DGKG: variants seen among roughly 807,000 people sequenced by gnomAD.
DGKG encodes the protein diacylglycerol kinase gamma.
DGKG carries 78 observed loss-of-function variants against 105.3 expected under a neutral mutation model. That is an observed-to-expected ratio of 0.74 (90% CI 0.62 to 0.89). The LOEUF is 0.89. DGKG is among the 40% of genes least tolerant of loss of function. The probability of loss-of-function intolerance (pLI) is 0.00; values close to 1 mark genes in which losing one functional copy is unlikely to be tolerated. For missense variants in DGKG, 958 were observed against 1,020.1 expected (o/e 0.94, Z 0.83); for synonymous variants, 346 against 367.1 (o/e 0.94, Z 0.66).
rs78227895 is a variant in DGKG at position 186,252,510 on chromosome 3, G to T, written c.1600+583C>A. 7.6e-3 allele frequency among the ~76,000 whole-genome samples: 1,160 copies of T among 152,336 alleles called. 14 individuals carry two copies. Among genetic ancestry groups the T allele is most frequent in the African/African-American group, 0.025 (1,041 of 41,568 alleles). ...CATGTCCAACGCCATGGGGGCTACT[G>T]CAGTTTGCAAAGTTCTCTGCCCCTT... On this transcript the variant is annotated intron_variant, in intron 18 of 24. Transcript: ENST00000265022.
At chr3:186,194,566 G>C (rs1439179584) in intron 21 of DGKG, among the ~76,000 whole-genome samples, 3 of 152,096 alleles carry the variant, frequency 2.0e-5, no homozygotes, top group African/African-American at 7.2e-5. Context: ...TTCTAACCTC[G>C]ATTCACCGTG....
intron 1 of DGKG, among the ~76,000 whole-genome samples, chr3:186,355,649 A>AG (rs1399588318): frequency 6.6e-6 from 1 of 151,496 alleles, no homozygotes; most frequent in Admixed American, 6.6e-5. Context: ...CACCAGCACC[A>AG]CCACCAGCAT....
intron 3 of DGKG, among the ~76,000 whole-genome samples, chr3:186,304,250 G>A (rs189961392): frequency 2.6e-5 from 4 of 152,358 alleles, no homozygotes; most frequent in Admixed American, 1.3e-4. Context: ...GGAGCTGGGG[G>A]TGGGGGGTGT....
intron 2 of DGKG, among the ~76,000 whole-genome samples, chr3:186,319,604 T>A (rs1353315423): frequency 6.6e-6 from 1 of 152,168 alleles, no homozygotes; most frequent in South Asian, 2.1e-4. Context: ...AAGGGCCTCC[T>A]GGAAAGTCAG....
chr3:186,207,942 C>A (rs779755851), intron 21 of DGKG, among the ~76,000 whole-genome samples: 1 of 152,242 alleles, frequency 6.6e-6, no homozygotes, highest in Admixed American at 6.5e-5. Context: ...CCACAAGCTT[C>A]GTTTCAGAGA....
intron 20 of DGKG, among the ~76,000 whole-genome samples, chr3:186,237,537 A>T (rs536165394): frequency 2.0e-5 from 3 of 152,324 alleles, no homozygotes; most frequent in East Asian, 1.9e-4. Flanking sequence ...AAGGCAGATG[A>T]TGCCAATGAC....
intron 17 of DGKG, among the ~76,000 whole-genome samples, chr3:186,256,977 A>G (rs1310886008): frequency 1.3e-5 from 2 of 152,196 alleles, no homozygotes; most frequent in Non-Finnish European, 2.9e-5. Context: ...TTTCCTCTAC[A>G]TGGTGTGCTC....
At chr3:186,336,321 A>T (rs1560161549) in intron 1 of DGKG, among the ~76,000 whole-genome samples, 3 of 152,168 alleles carry the variant, frequency 2.0e-5, no homozygotes, top group Admixed American at 1.3e-4. Flanking sequence ...ATCCCAGGAA[A>T]TTTCATTGGC....
intron 1 of DGKG, among the ~76,000 whole-genome samples, chr3:186,359,163 C>T (rs1048994131): frequency 6.6e-6 from 1 of 151,990 alleles, no homozygotes; most frequent in Admixed American, 6.6e-5. Context: ...GAACTATGGC[C>T]GAGTTGTTTC....
chr3:186,308,654 C>A (rs1417600675), intron 2 of DGKG, among the ~76,000 whole-genome samples: 1 of 152,076 alleles, frequency 6.6e-6, no homozygotes, highest in African/African-American at 2.4e-5. Context: ...GCTTCTGTTG[C>A]CTAAAAATGG....
intron 22 of DGKG, among the ~76,000 whole-genome samples, chr3:186,187,261 A>G (rs1429715703): frequency 6.6e-6 from 1 of 152,232 alleles, no homozygotes; most frequent in East Asian, 1.9e-4. Flanking sequence ...TCCAGGGGAC[A>G]GAGGATGGTG....
At chr3:186,280,516 G>T (rs1722780789) in intron 8 of DGKG, among the ~76,000 whole-genome samples, 154 bp downstream of exon 8, 1 of 152,152 alleles carries the variant, frequency 6.6e-6, no homozygotes, top group South Asian at 2.1e-4. Context: ...CTATCAGAGA[G>T]GTAGGAGGTA....
chr3:186,180,242 A>AG (rs890457588), intron 22 of DGKG, among the ~76,000 whole-genome samples: 9 of 152,126 alleles, frequency 5.9e-5, no homozygotes, highest in African/African-American at 1.9e-4. Context: ...AGGAGGGGGA[A>AG]GGATGTGTAA....
At position 186,320,692 on chromosome 3, in the gene DGKG, G is replaced by C. The variant is rs1725035134; in HGVS notation, c.-233C>G. 8.0e-6 allele frequency: 4 copies of C among 501,344 alleles called. No individual in the cohort carries two copies. The highest frequency in any genetic ancestry group is 1.3e-5 in the Non-Finnish European group (4 of 304,258). The allele number at this position is 501,344 out of a possible 1,614,324, so 31.1% of individuals were successfully genotyped here. ...CCTGTCTGTATTCAAGGTAAATTCA[G>C]AAGTCCTGGCTCTTCCTAGATAGAA... On this transcript the variant is annotated 5_prime_UTR_variant, in exon 2 of 25. Coordinates refer to ENST00000265022, the MANE Select transcript of DGKG (RefSeq NM_001346.3).
At chr3:186,160,008 G>T in intron 24 of DGKG, 2 of 228,874 alleles carry the variant, frequency 8.7e-6, no homozygotes, top group Non-Finnish European at 1.4e-5. Flanking sequence ...CCGGCACCTT[G>T]GTCTTGTGTT....
At chr3:186,297,066 T>TCACACACACACACACACACACACA (rs1352673652) in intron 5 of DGKG, among the ~76,000 whole-genome samples, 7 of 123,748 alleles carry the variant, frequency 5.7e-5, no homozygotes, top group Non-Finnish European at 8.4e-5. Context: ...TGTCTGTCTC[T>TCACACACACACACACACACACACA]CTCACACACA....
At chr3:186,246,059 C>T (rs1720927120) in intron 19 of DGKG, among the ~76,000 whole-genome samples, 1 of 152,144 alleles carries the variant, frequency 6.6e-6, no homozygotes, top group South Asian at 2.1e-4. Context: ...GCAAGCTCTG[C>T]CTCCTGGGTT....
chr3:186,209,087 ACTCTT>A (rs533550109), intron 21 of DGKG, among the ~76,000 whole-genome samples: 2 of 97,354 alleles, frequency 2.1e-5, no homozygotes, highest in South Asian at 3.3e-4. Flanking sequence ...CCTTCAGTTT[ACTCTT>A]CTTTTTTTTT....
chr3:186,233,604 C>T (rs948014803), intron 20 of DGKG, among the ~76,000 whole-genome samples: 1 of 152,158 alleles, frequency 6.6e-6, no homozygotes, highest in African/African-American at 2.4e-5. Flanking sequence ...CTCAGCCTCC[C>T]GAGTAGCTGG....
Sources: allele counts gnomAD v4.1 joint callset (sites outside exome capture counted in the v4.1 genomes callset), GRCh38; gene constraint gnomAD v4.1.1; transcripts MANE v1.5; gene names NCBI Gene and HGNC (gene_info 2026-07-23, HGNC 2026-07-21).